NEGR1: variants seen among roughly 807,000 people sequenced by gnomAD.
NEGR1 encodes the protein IgLON family member 4.
NEGR1 carries 10 observed loss-of-function variants against 40.9 expected under a neutral mutation model. The ratio of observed to expected loss-of-function variants is 0.24; its 90% CI spans 0.15 to 0.42. NEGR1 has a LOEUF of 0.42. NEGR1 is among the 10% of genes least tolerant of loss of function. The pLI is 1.00. For missense variants in NEGR1, 352 were observed against 438.9 expected (o/e 0.80, Z 1.77); for synonymous variants, 185 against 166.8 (o/e 1.11, Z -0.84).
At chr1:72,029,333 A>G (rs1321112374) in intron 1 of NEGR1, among the ~76,000 whole-genome samples, 1 of 152,082 alleles carries the variant, frequency 6.6e-6, no homozygotes, top group Non-Finnish European at 1.5e-5. Flanking sequence ...ATAAAAATGG[A>G]AATAGAAGAA....
At chr1:72,259,270 T>C (rs1655376094) in intron 1 of NEGR1, among the ~76,000 whole-genome samples, 3 of 152,168 alleles carry the variant, frequency 2.0e-5, no homozygotes, top group Admixed American at 1.3e-4. Context: ...ATTCAGGCAC[T>C]GTGCTAGGTG....
intron 6 of NEGR1, among the ~76,000 whole-genome samples, chr1:71,574,455 A>G (rs1312819143): frequency 6.6e-6 from 1 of 152,148 alleles, no homozygotes; most frequent in Admixed American, 6.6e-5. Flanking sequence ...GCAAAAAATA[A>G]AGTATTAGGA....
chr1:71,417,065 C>T (rs1557518850), intron 6 of NEGR1, among the ~76,000 whole-genome samples: 1 of 152,180 alleles, frequency 6.6e-6, no homozygotes, highest in Non-Finnish European at 1.5e-5. Flanking sequence ...GTGCTTCCAT[C>T]TCTATGTAGC....
At chr1:71,713,473 G>C (rs186011573) in intron 3 of NEGR1, among the ~76,000 whole-genome samples, 1 of 152,258 alleles carries the variant, frequency 6.6e-6, no homozygotes, top group East Asian at 1.9e-4. Flanking sequence ...GGAGTGTTTT[G>C]AGGATCATTA....
intron 1 of NEGR1, among the ~76,000 whole-genome samples, chr1:72,268,385 G>T (rs968938773): frequency 6.6e-6 from 1 of 151,372 alleles, no homozygotes; most frequent in African/African-American, 2.4e-5. Flanking sequence ...CAAATAACTT[G>T]CTGTGGCCGC....
chr1:71,746,907 A>T (rs989045639), intron 3 of NEGR1, among the ~76,000 whole-genome samples: 1 of 152,216 alleles, frequency 6.6e-6, no homozygotes, highest in Admixed American at 6.5e-5. Flanking sequence ...CCTGGATATT[A>T]GCCATCAAAA....
intron 2 of NEGR1, among the ~76,000 whole-genome samples, chr1:71,815,940 A>G (rs954720472): frequency 6.6e-6 from 1 of 152,066 alleles, no homozygotes; most frequent in African/African-American, 2.4e-5. Flanking sequence ...GAACTTTGCT[A>G]CTTTTCCACT....
intron 1 of NEGR1, among the ~76,000 whole-genome samples, chr1:72,122,192 T>C (rs1451889694): frequency 6.6e-6 from 1 of 152,028 alleles, no homozygotes; most frequent in Non-Finnish European, 1.5e-5. Flanking sequence ...AATTAGAACA[T>C]GCTGTCTTCA....
intron 6 of NEGR1, among the ~76,000 whole-genome samples, chr1:71,580,208 C>T (rs1262177230): frequency 6.6e-5 from 10 of 150,610 alleles, no homozygotes; most frequent in Admixed American, 4.7e-4. Context: ...ATCCCAAGAA[C>T]AAAAAACCAA....
intron 2 of NEGR1, among the ~76,000 whole-genome samples, chr1:71,917,956 G>T (rs1661637508): frequency 6.6e-6 from 1 of 150,874 alleles, no homozygotes; most frequent in Non-Finnish European, 1.5e-5. Context: ...GGTGGCTCAG[G>T]CCTGTAATCC....
chr1:72,158,293 T>C (rs1357082375), intron 1 of NEGR1, among the ~76,000 whole-genome samples: 2 of 152,222 alleles, frequency 1.3e-5, no homozygotes, highest in African/African-American at 2.4e-5. Flanking sequence ...CAAGCTGTAA[T>C]GTCTCTTCAG....
chr1:71,603,937 A>G (rs569914372), intron 5 of NEGR1, among the ~76,000 whole-genome samples: 1 of 152,234 alleles, frequency 6.6e-6, no homozygotes, highest in Non-Finnish European at 1.5e-5. Context: ...GCTTTACCTC[A>G]CTGTTGATGA....
At chr1:71,804,235 A>G (rs755060337) in intron 2 of NEGR1, among the ~76,000 whole-genome samples, 8 of 152,146 alleles carry the variant, frequency 5.3e-5, no homozygotes, top group Non-Finnish European at 8.8e-5. Context: ...ATGTTTTATA[A>G]AGTTGATAAT....
intron 1 of NEGR1, among the ~76,000 whole-genome samples, chr1:72,059,814 C>T (rs1187945468): frequency 6.6e-6 from 1 of 151,540 alleles, no homozygotes; most frequent in Non-Finnish European, 1.5e-5. Flanking sequence ...TAAATGTATA[C>T]ATTATGCATG....
intron 6 of NEGR1, among the ~76,000 whole-genome samples, chr1:71,506,932 C>T (rs1292779824): frequency 6.6e-6 from 1 of 152,168 alleles, no homozygotes; most frequent in African/African-American, 2.4e-5. Flanking sequence ...GTGTTCTTAA[C>T]CAGGCCCTAA....
chr1:72,158,724 GAC>G (rs775835236), intron 1 of NEGR1, among the ~76,000 whole-genome samples: 1 of 152,068 alleles, frequency 6.6e-6, no homozygotes, highest in Non-Finnish European at 1.5e-5. Flanking sequence ...CAGATTGAAA[GAC>G]AATTTGTACA....
Position 71,778,790 on chromosome 1 carries a change from T to C in NEGR1, c.410-2493A>G, listed in dbSNP as rs184354269. 6.6e-5 allele frequency among the ~76,000 whole-genome samples: 10 copies of C among 152,318 alleles called. No homozygotes were observed. The East Asian group carries it at 1.9e-3, about 29-fold the overall frequency. On this transcript the variant is annotated intron_variant, in intron 2 of 6. Transcript: ENST00000357731. Reference sequence around the variant, plus strand: ...CGAAATACCATTATTTGGTCAATACTGTCTGATCAAAAAATAGTTTAGTTG... The same window carrying C: ...CGAAATACCATTATTTGGTCAATACCGTCTGATCAAAAAATAGTTTAGTTG...
intron 1 of NEGR1, among the ~76,000 whole-genome samples, chr1:71,996,867 G>A (rs1646509018): frequency 6.6e-6 from 1 of 151,848 alleles, no homozygotes; most frequent in South Asian, 2.1e-4. Context: ...TCTCTCAATT[G>A]ACCTTTTCCC....
At chr1:72,270,285 T>C (rs549194238) in intron 1 of NEGR1, among the ~76,000 whole-genome samples, 2 of 152,030 alleles carry the variant, frequency 1.3e-5, no homozygotes, top group African/African-American at 4.8e-5. Flanking sequence ...TCCATCATCA[T>C]GACTATAAAA....
Sources: gnomAD v4.1 joint callset for allele counts (sites outside exome capture counted in the v4.1 genomes callset) on GRCh38, gnomAD v4.1.1 for gene constraint, MANE v1.5 for transcripts, NCBI Gene and HGNC (gene_info 2026-07-23, HGNC 2026-07-21) for gene names.